The following VSIR variants were observed in gnomAD, a reference collection of about 807,000 sequenced individuals.
The protein encoded by VSIR is V-set immunoregulatory receptor.
In VSIR, 10 loss-of-function variants were observed where a neutral mutation model predicts 31.0. The observed-to-expected ratio is 0.32, with a 90% confidence interval of 0.20 to 0.55. The LOEUF is 0.55. VSIR is among the 20% of genes least tolerant of loss of function. The pLI, the probability that VSIR is intolerant of heterozygous loss-of-function variation, is 0.93. For synonymous variants in VSIR, 179 were observed against 180.1 expected (o/e 0.99, Z 0.05); for missense variants, 356 against 416.2 (o/e 0.86, Z 1.26).
chr10:71,759,026 T>C (rs1432196850), intron 3 of VSIR, among the ~76,000 whole-genome samples: 2 of 151,812 alleles, frequency 1.3e-5, no homozygotes, highest in Non-Finnish European at 2.9e-5. Flanking sequence ...CCTGCCACCA[T>C]GCCAGGCAAA....
At position 71,762,014 on chromosome 10, in the gene VSIR, G is replaced by C. The variant is rs748561288; in HGVS notation, c.95C>G (p.Ala32Gly). The C allele has an allele frequency of 1.9e-6, 3 of 1,602,270 alleles. No individual in the cohort carries two copies. The South Asian group carries it at 3.4e-5, about 18-fold the overall frequency. The change falls in exon 2 of 7, where the codon GCC becomes GGC. Residue 32 changes from alanine (A) to glycine (G), a missense_variant. Transcript: ENST00000394957. ...FLAASLGPVAAFKVATPYSLY... is the reference protein window; with the variant it reads ...FLAASLGPVAGFKVATPYSLY... ...GGAATACGGCGTGGCGACCTTGAAGGCTGCCACCGGACCTGCTCAGAGAGA... is the reference window on the plus strand; with the variant it reads ...GGAATACGGCGTGGCGACCTTGAAGCCTGCCACCGGACCTGCTCAGAGAGA...
chr10:71,755,321 G>T (rs778224665), intron 4 of VSIR, 38 bp downstream of exon 4: 123 of 1,562,628 alleles, frequency 7.9e-5, no homozygotes, highest in Non-Finnish European at 1.0e-4. Flanking sequence ...CAGGTCACTC[G>T]CACCGTCCAC....
chr10:71,754,957 C>T (rs1026041147), intron 4 of VSIR: 2 of 406,240 alleles, frequency 4.9e-6, no homozygotes, highest in Admixed American at 5.5e-5. Context: ...TTCTGATATT[C>T]CAAAGATCAT....
At chr10:71,772,541 T>C (rs1383735864) in intron 1 of VSIR, among the ~76,000 whole-genome samples, 2 of 152,254 alleles carry the variant, frequency 1.3e-5, no homozygotes, top group Non-Finnish European at 2.9e-5. Flanking sequence ...GCCAGGATAC[T>C]ATCTGAACAT....
intron 4 of VSIR, among the ~76,000 whole-genome samples, chr10:71,754,687 G>A (rs951551849): frequency 1.3e-5 from 2 of 152,176 alleles, no homozygotes; most frequent in African/African-American, 2.4e-5. Context: ...CTGTGCCTCC[G>A]TTTGCCCATC....
At position 71,760,697 on chromosome 10, in the gene VSIR, G is replaced by A. The variant is rs1425098754; in HGVS notation, c.568+171C>T. 4.6e-6 allele frequency: 3 copies of A among 652,198 alleles called. No individual in the cohort carries two copies. In the East Asian group the frequency reaches 8.0e-5, roughly 17 times the overall value. 40.4% of individuals were successfully genotyped at this position (652,198 alleles called of 1,614,324 possible). ...AGATGGAAGGAGAGTGGGCTTCTGG[G>A]GATTGCACCAAGGAGGAAGCAGAAG... is the stretch of plus-strand genomic sequence containing the variant. On this transcript the variant is annotated intron_variant, in intron 3 of 6. Transcript: ENST00000394957.
At chr10:71,769,526 G>A (rs2132907916) in intron 1 of VSIR, among the ~76,000 whole-genome samples, 1 of 152,326 alleles carries the variant, frequency 6.6e-6, no homozygotes, top group East Asian at 1.9e-4. Flanking sequence ...AGACACTGCA[G>A]AGATCACAAA....
At chr10:71,768,152 G>A (rs1409396242) in intron 1 of VSIR, among the ~76,000 whole-genome samples, 1 of 152,184 alleles carries the variant, frequency 6.6e-6, no homozygotes, top group Non-Finnish European at 1.5e-5. Flanking sequence ...TGTTTGTTTG[G>A]TTGGCTTTGT....
chr10:71,772,112 G>C (rs1840699518), intron 1 of VSIR, among the ~76,000 whole-genome samples: 2 of 152,160 alleles, frequency 1.3e-5, no homozygotes, highest in Non-Finnish European at 2.9e-5. Context: ...CCCTCTGACT[G>C]TCACCTTGAG....
intron 3 of VSIR, among the ~76,000 whole-genome samples, chr10:71,758,239 C>G (rs1354942243): frequency 6.6e-6 from 1 of 152,158 alleles, no homozygotes; most frequent in Non-Finnish European, 1.5e-5. Flanking sequence ...GTCACTGTAG[C>G]CTTTGAGTTG....
rs1158474560 is a variant in VSIR at position 71,773,373 on chromosome 10, G to A, written c.67C>T (p.Leu23=). 2 of 1,609,722 alleles carry A rather than the reference G, an allele frequency of 1.2e-6. No individual in the cohort carries two copies. The highest frequency in any genetic ancestry group is 1.7e-6 in the Non-Finnish European group (2 of 1,178,356). Residue 23 remains leucine, a synonymous_variant, in exon 1 of 7, where the codon CTG becomes TTG. Coordinates refer to ENST00000394957, the MANE Select transcript of VSIR (RefSeq NM_022153.2). The part of the protein sequence containing the change: ...RWGSLLFALF[L]AASLGPVAAF... ...CCGACCTTACCTAGGGACGCAGCCA[G>A]GAAGAGAGCGAAGAGCAGGGATCCC...
intron 1 of VSIR, among the ~76,000 whole-genome samples, chr10:71,766,767 G>A (rs1046732087): frequency 2.6e-5 from 4 of 152,140 alleles, no homozygotes; most frequent in East Asian, 3.9e-4. Context: ...GCCACACAGT[G>A]CTGTGTGACT....
chr10:71,759,704 C>T (rs1589402693), intron 3 of VSIR, among the ~76,000 whole-genome samples: 2 of 151,390 alleles, frequency 1.3e-5, no homozygotes, highest in South Asian at 2.1e-4. Flanking sequence ...CCTAGCTACT[C>T]GGGAGGCTGA....
In VSIR at chr10:71,750,975, T is replaced by C. The variant is rs1012172780; in HGVS notation, c.*278A>G. The stretch of plus-strand genomic sequence containing the variant: ...CTGGACGTTCTGAGACTTCTTAAGA[T>C]GTAAGTCATTTGGCATCTGTAGCTG... On this transcript the variant is annotated 3_prime_UTR_variant, in exon 7 of 7. Transcript: ENST00000394957. The C allele has an allele frequency of 4.7e-6, 2 of 429,846 alleles. No individual in the cohort carries two copies. Among genetic ancestry groups the C allele is most frequent in the Admixed American group, 8.1e-5 (2 of 24,594 alleles). The allele number at this position is 429,846 out of a possible 1,614,324, so 26.6% of individuals were successfully genotyped here. A position where few individuals can be genotyped will look rare whatever the true frequency, so the allele number is the denominator to read the frequency against.
At chr10:71,770,909 C>T (rs1239325085) in intron 1 of VSIR, among the ~76,000 whole-genome samples, 1 of 152,186 alleles carries the variant, frequency 6.6e-6, no homozygotes, top group Non-Finnish European at 1.5e-5. Context: ...ATGCCAGGGA[C>T]TGGCCTCAAG....
intron 3 of VSIR, among the ~76,000 whole-genome samples, chr10:71,756,722 T>A (rs1840158677): frequency 6.6e-6 from 1 of 152,178 alleles, no homozygotes; most frequent in Admixed American, 6.5e-5. Context: ...TCCTTCCCAA[T>A]TTTAGCCTTT....
At chr10:71,755,211 C>T in intron 4 of VSIR, 148 bp downstream of exon 4, 1 of 808,826 alleles carries the variant, frequency 1.2e-6, no homozygotes, top group Non-Finnish European at 2.0e-6. Context: ...TTTCGCCCAG[C>T]TCCTGGCGGG....
Position 71,760,864 on chromosome 10 carries a change from T to C in VSIR, c.568+4A>G. The C allele has an allele frequency of 6.2e-7, 1 of 1,613,096 alleles. No homozygotes were observed. Among genetic ancestry groups the C allele is most frequent in the African/African-American group, 1.3e-5 (1 of 74,994 alleles). ...CCAAAAGGGGCAAGAGGTTGGTCCCTTACTTTCACTATCCTGGGAGGAGGA... is the reference window on the plus strand; with the variant it reads ...CCAAAAGGGGCAAGAGGTTGGTCCCCTACTTTCACTATCCTGGGAGGAGGA... On this transcript the variant is annotated splice_donor_region_variant and intron_variant, in intron 3 of 6. Transcript: ENST00000394957.
chr10:71,760,693 C>T (rs750275185), intron 3 of VSIR, 175 bp downstream of exon 3: 6 of 639,770 alleles, frequency 9.4e-6, no homozygotes, highest in Non-Finnish European at 1.7e-5. Context: ...GAGTGGGCTT[C>T]TGGGGATTGC....
Sources: allele counts gnomAD v4.1 joint callset (sites outside exome capture counted in the v4.1 genomes callset), GRCh38; gene constraint gnomAD v4.1.1; transcripts MANE v1.5; gene names NCBI Gene and HGNC (gene_info 2026-07-23, HGNC 2026-07-21).